EPHA8: variants seen among roughly 807,000 people sequenced by gnomAD.
EPHA8 encodes the protein ephrin type-A receptor 8.
EPHA8 carries 58 observed loss-of-function variants against 103.6 expected under a neutral mutation model. The observed-to-expected ratio is 0.56, with a 90% CI of 0.45 to 0.70. EPHA8 has a LOEUF of 0.70. Among genes scored for constraint, EPHA8 ranks in the 30% least tolerant of loss-of-function variants. The pLI, the probability that EPHA8 is intolerant of heterozygous loss-of-function variation, is 0.00. For missense variants in EPHA8, 1,304 were observed against 1,395.2 expected (o/e 0.93, Z 1.04); for synonymous variants, 559 against 572.5 (o/e 0.98, Z 0.34).
intron 13 of EPHA8, 92 bp from the exon 14 acceptor site, chr1:22,600,569 A>G: frequency 6.6e-7 from 1 of 1,517,656 alleles, no homozygotes; most frequent in Non-Finnish European, 8.9e-7. Context: ...ACTGGAAAAC[A>G]GGACCCCAGT....
Position 22,598,471 on chromosome 1 carries a change from C to G in EPHA8, c.2178+259C>G, listed in dbSNP as rs994044051. On this transcript the variant is annotated intron_variant, in intron 12 of 16. Transcript: ENST00000166244. This position sits in a 1 kb window ranked among gnomAD's most constrained non-coding sequence, Gnocchi z 5.1. ...CTGAGGGGGGTGCCTCTGTGGGAATCCAGGCCCCACCCAGCTGGGGGGCAT... is the reference window on the plus strand; with the variant it reads ...CTGAGGGGGGTGCCTCTGTGGGAATGCAGGCCCCACCCAGCTGGGGGGCAT... 6.6e-6 allele frequency among the ~76,000 whole-genome samples: 1 copy of G among 152,202 alleles called. No homozygotes were observed. Among genetic ancestry groups the G allele is most frequent in the Non-Finnish European group, 1.5e-5 (1 of 68,036 alleles).
chr1:22,576,625 G>A lies in EPHA8; in HGVS notation c.568G>A (p.Ala190Thr), dbSNP rs768686298. Residue 190 changes from alanine to threonine, a missense_variant, in exon 3 of 17, where the codon GCC becomes ACC. Ala to Thr is a moderately conservative substitution (Grantham distance 58). Transcript: ENST00000166244. This position sits in a 1 kb window ranked among gnomAD's most constrained non-coding sequence, Gnocchi z 4.8. ...CTACCTGGCCTTCCAGGACATAGGT[G>A]CCTGCCTGGCCATCCTCTCTCTCCG... ...GFYLAFQDIG[A>T]CLAILSLRIY... 6.2e-7 allele frequency: 1 copy of A among 1,613,860 alleles called. No individual in the cohort carries two copies. Among genetic ancestry groups the A allele is most frequent in the Non-Finnish European group, 8.5e-7 (1 of 1,180,032 alleles).
chr1:22,600,896 A>G lies in EPHA8; in HGVS notation c.2539-2A>G. On this transcript the variant is annotated splice_acceptor_variant, in intron 14 of 16. Transcript: ENST00000166244. LOFTEE classifies it high-confidence loss of function. ...GCTGAGCCCAGCGCTGATCCCCTGC[A>G]GGTCATCAGCTCTGTGGAGGAGGGG... is the stretch of plus-strand genomic sequence containing the variant. 1 of 1,602,054 alleles carries G rather than the reference A, an allele frequency of 6.2e-7. No homozygotes were observed. Among genetic ancestry groups the G allele is most frequent in the Non-Finnish European group, 8.5e-7 (1 of 1,173,210 alleles).
chr1:22,596,348 A>G (rs1641518397), intron 9 of EPHA8, among the ~76,000 whole-genome samples, 175 bp downstream of exon 9: 1 of 152,196 alleles, frequency 6.6e-6, no homozygotes, highest in African/African-American at 2.4e-5. Flanking sequence ...AGCGCCGTTC[A>G]TGCCTCCTGG....
intron 2 of EPHA8, among the ~76,000 whole-genome samples, chr1:22,575,783 A>G (rs1050709757): frequency 6.6e-6 from 1 of 152,130 alleles, no homozygotes; most frequent in Non-Finnish European, 1.5e-5. Context: ...GGGGCAAGGC[A>G]TAGTCTGGTT....
intron 3 of EPHA8, among the ~76,000 whole-genome samples, chr1:22,583,946 C>T (rs969359645): frequency 1.3e-5 from 2 of 152,242 alleles, no homozygotes; most frequent in African/African-American, 4.8e-5. Context: ...GTGGAAGCTC[C>T]CTAAGAGCAG....
rs1201378079 is a variant in EPHA8 at position 22,578,493 on chromosome 1, TGTGCATGA to T, written c.823+1620_823+1627del. ...GTGCATGTGCATGAGTGTGTGCATG[TGTGCATGA>T]GTGCATTAGTGTATTATGCATGTGT... On this transcript the variant is annotated intron_variant, in intron 3 of 16. Coordinates refer to ENST00000166244, the MANE Select transcript of EPHA8 (RefSeq NM_020526.5). Among the ~76,000 whole-genome samples the T allele has an allele frequency of 7.4e-5, 10 of 135,554 alleles. No individual in the cohort carries two copies. The South Asian group carries it at 1.7e-3, about 23-fold the overall frequency. 88.9% of individuals were successfully genotyped at this position (135,554 alleles called of 152,430 possible). A position where few individuals can be genotyped will look rare whatever the true frequency, so the allele number is the denominator to read the frequency against.
At chr1:22,600,560 C>A in intron 13 of EPHA8, 101 bp from the exon 14 acceptor site, 1 of 1,487,994 alleles carries the variant, frequency 6.7e-7, no homozygotes, top group South Asian at 1.3e-5. Flanking sequence ...TCCCTCTGGA[C>A]TGGAAAACAG....
intron 3 of EPHA8, among the ~76,000 whole-genome samples, chr1:22,577,852 A>ATGTG (rs1553145438): frequency 3.2e-5 from 2 of 61,762 alleles, no homozygotes; most frequent in African/African-American, 2.0e-4. Context: ...GTATGTGTGC[A>ATGTG]TGCGTATGTA....
intron 2 of EPHA8, among the ~76,000 whole-genome samples, chr1:22,570,301 CACGT>C (rs1288094343): frequency 6.7e-6 from 1 of 148,844 alleles, no homozygotes; most frequent in Non-Finnish European, 1.5e-5. Context: ...CACACATGCA[CACGT>C]GTGCGTGTAC....
chr1:22,580,127 CTTTTTTTTTTTTTTTTT>C (rs764600240), intron 3 of EPHA8, among the ~76,000 whole-genome samples: 1 of 97,426 alleles, frequency 1.0e-5, no homozygotes, highest in Non-Finnish European at 1.9e-5. Context: ...CTTTCTTTCT[CTTTTTTTTTTTTTTTTT>C]TTTTTTTTTT....
rs536789995 is a variant in EPHA8 at position 22,579,219 on chromosome 1, A to G, written c.823+2339A>G. 2.7e-4 allele frequency among the ~76,000 whole-genome samples: 40 copies of G among 146,016 alleles called. No individual in the cohort carries two copies. The South Asian group carries it at 4.3e-3, about 16-fold the overall frequency. On this transcript the variant is annotated intron_variant, in intron 3 of 16. Transcript: ENST00000166244. The stretch of plus-strand genomic sequence containing the variant: ...TGTGTACCTGTGTGCATGTGTGTGT[A>G]TGTATGCATGTGTGTGCATGTGAGT...
intron 3 of EPHA8, among the ~76,000 whole-genome samples, chr1:22,582,687 C>T (rs962058303): frequency 3.9e-5 from 6 of 152,150 alleles, no homozygotes; most frequent in Admixed American, 2.0e-4. Context: ...GGAAGCTCCC[C>T]ACACTCCACA....
intron 3 of EPHA8, among the ~76,000 whole-genome samples, chr1:22,578,502 G>C (rs1175137945): frequency 2.7e-5 from 3 of 112,724 alleles, no homozygotes; most frequent in Non-Finnish European, 3.8e-5. Context: ...GTGTGCATGA[G>C]TGCATTAGTG....
In EPHA8 at chr1:22,576,896, C is replaced by T. The variant is rs1640723840; in HGVS notation, c.823+16C>T. 1 of 1,565,894 alleles carries T rather than the reference C, an allele frequency of 6.4e-7. No individual in the cohort carries two copies. The highest frequency in any genetic ancestry group is 1.2e-5 in the South Asian group (1 of 83,666). ...GCCTGTGTGGGTGAGCGCGCCATGG[C>T]CTGGGCATGGGTCAGCCGGCAGCGG... On this transcript the variant is annotated intron_variant, in intron 3 of 16. Coordinates refer to ENST00000166244, the MANE Select transcript of EPHA8 (RefSeq NM_020526.5). The surrounding 1 kb of genome is among the most constrained non-coding windows in gnomAD (Gnocchi z 4.8).
At chr1:22,587,871 G>A (rs1416611362) in intron 4 of EPHA8, among the ~76,000 whole-genome samples, 1 of 152,136 alleles carries the variant, frequency 6.6e-6, no homozygotes, top group African/African-American at 2.4e-5. Flanking sequence ...GCCCTGCCCA[G>A]ATCTGTGCAT....
intron 7 of EPHA8, among the ~76,000 whole-genome samples, chr1:22,594,502 C>T (rs1407229603): frequency 6.6e-6 from 1 of 152,238 alleles, no homozygotes; most frequent in Non-Finnish European, 1.5e-5. Flanking sequence ...TGGGTTTTAA[C>T]AAGTCCTCGG....
At chr1:22,588,821 G>T (rs769422050) in intron 4 of EPHA8, 50 bp from the exon 5 acceptor site, 11 of 1,531,096 alleles carry the variant, frequency 7.2e-6, no homozygotes, top group Non-Finnish European at 9.6e-6. Flanking sequence ...AGGAAGACAG[G>T]ACAGCCCAAA....
At chr1:22,564,370 C>T (rs1247121133) in intron 1 of EPHA8, among the ~76,000 whole-genome samples, 1 of 143,160 alleles carries the variant, frequency 7.0e-6, no homozygotes, top group Non-Finnish European at 1.5e-5. Flanking sequence ...GAAGGGAGGG[C>T]AGGGGAGTTC....
Sources: allele counts gnomAD v4.1 joint callset (sites outside exome capture counted in the v4.1 genomes callset), GRCh38; gene constraint gnomAD v4.1.1; non-coding constraint Gnocchi (gnomAD v3.1); transcripts MANE v1.5; gene names NCBI Gene and HGNC (gene_info 2026-07-23, HGNC 2026-07-21).